Variants in HMG20B observed in about 807,000 individuals in gnomAD.
HMG20B encodes SWI/SNF-related matrix-associated actin-dependent regulator of chromatin subfamily E member 1-related.
In HMG20B, 24 loss-of-function variants were observed where a neutral mutation model predicts 41.6. The observed-to-expected ratio is 0.58, with a 90% confidence interval of 0.42 to 0.81. The LOEUF (loss-of-function observed/expected upper bound fraction) is 0.81, where lower values mean the gene tolerates loss of function less well. HMG20B is among the 30% of genes least tolerant of loss of function. The pLI is 0.00. For synonymous variants in HMG20B, 251 were observed against 186.6 expected (o/e 1.34, Z -2.81); for missense variants, 461 against 444.0 (o/e 1.04, Z -0.34).
chr19:3,573,492 C>T, intron 2 of HMG20B, 145 bp downstream of exon 2: 5 of 976,240 alleles, frequency 5.1e-6, no homozygotes, highest in Non-Finnish European at 5.8e-6. Flanking sequence ...AATTCTGCAC[C>T]CCCCACCTCG....
Position 3,578,030 on chromosome 19 carries a change from G to A in HMG20B, c.858G>A (p.Arg286=). The part of the protein sequence containing the change: ...TLGTLDFYMA[R]LHGAIERDPA... ...GCACTCTGGACTTCTACATGGCCCG[G>A]CTTCACGGAGCCATCGAGCGCGACC... The change falls in exon 9 of 10, where the codon CGG becomes CGA. Residue 286 remains arginine (R), a synonymous_variant. Transcript: ENST00000333651. The A allele has an allele frequency of 6.2e-7, 1 of 1,609,318 alleles. No individual in the cohort carries two copies. The highest frequency in any genetic ancestry group is 8.5e-7 in the Non-Finnish European group (1 of 1,178,864).
At chr19:3,573,434 C>A in intron 2 of HMG20B, 87 bp downstream of exon 2, 2 of 1,360,064 alleles carry the variant, frequency 1.5e-6, no homozygotes, top group Admixed American at 2.8e-5. Context: ...TCCCTCCCGC[C>A]GGAGTCTTGA....
chr19:3,576,981 A>G lies in HMG20B; in HGVS notation c.682A>G (p.Ser228Gly), dbSNP rs1469716213. Reference sequence around the variant, plus strand: ...ACTGCAGAGGCACACGCAGAGCATGAGCAGCGCGCGCGAGCGTCTGGAGCA... The same window carrying G: ...ACTGCAGAGGCACACGCAGAGCATGGGCAGCGCGCGCGAGCGTCTGGAGCA... ...AVLQRHTQSM[S>G]SARERLEQEL... The change falls in exon 8 of 10, where the codon AGC becomes GGC. Residue 228 changes from serine (S) to glycine (G), a missense_variant. Coordinates refer to ENST00000333651, the MANE Select transcript of HMG20B (RefSeq NM_006339.3). The G allele has an allele frequency of 6.4e-7, 1 of 1,572,374 alleles. No homozygotes were observed. Among genetic ancestry groups the G allele is most frequent in the South Asian group, 1.2e-5 (1 of 85,624 alleles).
intron 9 of HMG20B, 31 bp downstream of exon 9, chr19:3,578,144 G>T: frequency 1.2e-6 from 2 of 1,602,672 alleles, no homozygotes; most frequent in Non-Finnish European, 8.5e-7. Context: ...GGCGGGGCCG[G>T]GGTTCAAGGC....
intron 8 of HMG20B, among the ~76,000 whole-genome samples, 198 bp downstream of exon 8, chr19:3,577,305 T>C (rs930002634): frequency 3.2e-5 from 1 of 31,488 alleles, no homozygotes; most frequent in Admixed American, 4.3e-4. Context: ...CCCGCACCCC[T>C]ACCCCATAGC....
At chr19:3,574,288 TCCCCGCCCATACGCGTTAGG>T in intron 3 of HMG20B, 75 bp from the exon 4 acceptor site, 1 of 385,032 alleles carries the variant, frequency 2.6e-6, no homozygotes, top group Non-Finnish European at 5.0e-6. Flanking sequence ...CCCGCCCCCA[TCCCCGCCCATACGCGTTAGG>T]CCCCGCCCAT....
chr19:3,573,362 C>T lies in HMG20B; in HGVS notation c.38+15C>T. ...GCGGCCGCCGCGTGAGTGCACTGAT[C>T]CCCTCCCCACGCCCTCGCTACTTTC... On this transcript the variant is annotated intron_variant, in intron 2 of 9. Coordinates refer to ENST00000333651, the MANE Select transcript of HMG20B (RefSeq NM_006339.3). 1 of 1,525,120 alleles carries T rather than the reference C, an allele frequency of 6.6e-7. No homozygotes were observed. The allele number at this position is 1,525,120 out of a possible 1,614,324, so 94.5% of individuals were successfully genotyped here. A position where few individuals can be genotyped will look rare whatever the true frequency, so the allele number is the denominator to read the frequency against.
rs989576684 is a variant in HMG20B at position 3,578,836 on chromosome 19, A to G, written c.*315A>G. On this transcript the variant is annotated 3_prime_UTR_variant, in exon 10 of 10. Transcript: ENST00000333651. ...CACCCCCAGGACACAGGGCAGACGA[A>G]ACCCACCCCCAGCACACGGCAGGAC... 1.5e-6 allele frequency: 1 copy of G among 660,130 alleles called. No individual in the cohort carries two copies. The highest frequency in any genetic ancestry group is 2.8e-6 in the Non-Finnish European group (1 of 356,104). 40.9% of individuals were successfully genotyped at this position (660,130 alleles called of 1,614,324 possible). A position where few individuals can be genotyped will look rare whatever the true frequency, so the allele number is the denominator to read the frequency against.
rs760074039 is a variant in HMG20B at position 3,578,871 on chromosome 19, TACTC to T, written c.*354_*357del. 3.6e-5 allele frequency: 20 copies of T among 553,818 alleles called. No homozygotes were observed. Among genetic ancestry groups the T allele is most frequent in the East Asian group, 8.7e-5 (2 of 23,066 alleles). 34.3% of individuals were successfully genotyped at this position (553,818 alleles called of 1,614,324 possible). ...CAGCACACGGCAGGACCCCCCAAAT[TACTC>T]ACTACGGGGGGCTGTGCCATAGGCC... On this transcript the variant is annotated 3_prime_UTR_variant, in exon 10 of 10. Coordinates refer to ENST00000333651, the MANE Select transcript of HMG20B (RefSeq NM_006339.3).
chr19:3,574,244 T>C, intron 3 of HMG20B, 139 bp from the exon 4 acceptor site: 1 of 773,340 alleles, frequency 1.3e-6, no homozygotes, highest in Non-Finnish European at 2.1e-6. Flanking sequence ...GGGCCCTACC[T>C]CCATCTTTTC....
chr19:3,576,733 T>C lies in HMG20B; in HGVS notation c.592+108T>C, dbSNP rs903812833. 4.7e-6 allele frequency: 6 copies of C among 1,276,926 alleles called. No individual in the cohort carries two copies. In the East Asian group the frequency reaches 1.5e-4, roughly 32 times the overall value. The allele number at this position is 1,276,926 out of a possible 1,614,324, so 79.1% of individuals were successfully genotyped here. ...GCAGGAGGCGGATCGGGAGGTTCCCTATGAGCGTCCAGGCGCACGCTGTCG... is the reference window on the plus strand; with the variant it reads ...GCAGGAGGCGGATCGGGAGGTTCCCCATGAGCGTCCAGGCGCACGCTGTCG... On this transcript the variant is annotated intron_variant, in intron 7 of 9. Coordinates refer to ENST00000333651, the MANE Select transcript of HMG20B (RefSeq NM_006339.3).
chr19:3,576,721 C>T (rs1044028343), intron 7 of HMG20B, 96 bp downstream of exon 7: 62 of 1,301,928 alleles, frequency 4.8e-5, no homozygotes, highest in Middle Eastern at 2.1e-4. Context: ...GGAGGCGGAT[C>T]GGGAGGTTCC....
chr19:3,576,033 C>T (rs2032154426), intron 5 of HMG20B: 1 of 591,496 alleles, frequency 1.7e-6, no homozygotes, highest in Non-Finnish European at 3.0e-6. Context: ...GCGACCTCAG[C>T]CCAGGCAGGG....
At chr19:3,574,061 C>T in intron 3 of HMG20B, 2 of 650,004 alleles carry the variant, frequency 3.1e-6, no homozygotes, top group African/African-American at 3.7e-5. Context: ...CGGCACCCTC[C>T]CCTTGGTCCT....
At chr19:3,574,931 C>T (rs2032126745) in intron 4 of HMG20B, among the ~76,000 whole-genome samples, 1 of 152,134 alleles carries the variant, frequency 6.6e-6, no homozygotes, top group South Asian at 2.1e-4. Context: ...GTTGGCCAGG[C>T]TGGTCTCGAA....
At chr19:3,574,300 CGCGTTAGG>C in intron 3 of HMG20B, 75 bp from the exon 4 acceptor site, 1 of 474,750 alleles carries the variant, frequency 2.1e-6, no homozygotes, top group Non-Finnish European at 3.9e-6. Context: ...CCCGCCCATA[CGCGTTAGG>C]CCCCGCCCAT....
At chr19:3,576,440 T>G (rs971711614) in intron 6 of HMG20B, 113 bp from the exon 7 acceptor site, 1 of 1,332,656 alleles carries the variant, frequency 7.5e-7, no homozygotes, top group Non-Finnish European at 1.1e-6. Context: ...GGATCGCTGT[T>G]GATTGTACTC....
chr19:3,578,368 T>C, intron 9 of HMG20B, 141 bp from the exon 10 acceptor site: 1 of 1,284,578 alleles, frequency 7.8e-7, no homozygotes, highest in Non-Finnish European at 1.1e-6. Context: ...AGCGCCCGGG[T>C]TAGATAGGTT....
intron 9 of HMG20B, 77 bp downstream of exon 9, chr19:3,578,190 G>T: frequency 1.3e-6 from 2 of 1,554,774 alleles, no homozygotes; most frequent in South Asian, 2.3e-5. Flanking sequence ...CCAGGTCCGC[G>T]AGGGCTGCTG....
Sources: gnomAD v4.1 joint callset for allele counts (sites outside exome capture counted in the v4.1 genomes callset) on GRCh38, gnomAD v4.1.1 for gene constraint, MANE v1.5 for transcripts, NCBI Gene and HGNC (gene_info 2026-07-23, HGNC 2026-07-21) for gene names.